NEK6: variants seen among roughly 807,000 people sequenced by gnomAD.
The protein encoded by NEK6 is serine/threonine-protein kinase Nek6.
A neutral mutation model predicts 43.5 loss-of-function variants in NEK6; 27 were observed. The ratio of observed to expected loss-of-function variants is 0.62; its 90% CI spans 0.46 to 0.86. The LOEUF is 0.86. NEK6 is among the 40% of genes least tolerant of loss of function. NEK6 has a pLI of 0.00. For missense variants in NEK6, 318 were observed against 414.4 expected (o/e 0.77, Z 2.02); for synonymous variants, 167 against 164.1 (o/e 1.02, Z -0.14).
chr9:124,288,152 A>G (rs992619087), intron 1 of NEK6, among the ~76,000 whole-genome samples: 11 of 152,250 alleles, frequency 7.2e-5, no homozygotes, highest in African/African-American at 2.4e-4. Context: ...GGTGTCCATA[A>G]GGCTGGGGTT....
At chr9:124,284,707 G>T (rs1336883270) in intron 1 of NEK6, among the ~76,000 whole-genome samples, 1 of 152,208 alleles carries the variant, frequency 6.6e-6, no homozygotes, top group Admixed American at 6.5e-5. Context: ...AGGGAAGAAT[G>T]TGTGTGTCTG....
chr9:124,283,038 AT>A, intron 1 of NEK6, among the ~76,000 whole-genome samples: 1 of 152,288 alleles, frequency 6.6e-6, no homozygotes. Context: ...GCCTTTATCT[AT>A]TTTGGCAAAG....
intron 7 of NEK6, among the ~76,000 whole-genome samples, chr9:124,334,480 G>T (rs930631902): frequency 2.0e-5 from 3 of 152,226 alleles, no homozygotes; most frequent in African/African-American, 4.8e-5. Flanking sequence ...GTGAAGAGAG[G>T]AGGGGACGGA....
intron 7 of NEK6, among the ~76,000 whole-genome samples, chr9:124,331,699 G>A (rs914883391): frequency 2.0e-5 from 3 of 152,186 alleles, no homozygotes; most frequent in East Asian, 1.9e-4. Context: ...CTGCCTTGCC[G>A]GGGATCACAC....
At chr9:124,277,427 G>C (rs1482877165) in intron 1 of NEK6, among the ~76,000 whole-genome samples, 4 of 152,226 alleles carry the variant, frequency 2.6e-5, no homozygotes, top group Non-Finnish European at 5.9e-5. Flanking sequence ...ACCTGGGCAA[G>C]AGAGTGAGGC....
intron 1 of NEK6, among the ~76,000 whole-genome samples, chr9:124,293,697 C>T (rs940870436): frequency 5.3e-5 from 8 of 152,162 alleles, no homozygotes; most frequent in Non-Finnish European, 1.2e-4. Flanking sequence ...TGGGAAGAGC[C>T]CCCTCCACCT....
At chr9:124,333,925 G>A (rs1048871543) in intron 7 of NEK6, among the ~76,000 whole-genome samples, 7 of 152,028 alleles carry the variant, frequency 4.6e-5, no homozygotes, top group Admixed American at 2.6e-4. Context: ...GTACAGGCGC[G>A]TGCCACCACA....
intron 1 of NEK6, among the ~76,000 whole-genome samples, chr9:124,267,751 C>A (rs1346873834): frequency 1.1e-4 from 16 of 152,226 alleles, no homozygotes; most frequent in Admixed American, 9.8e-4. Flanking sequence ...CGGCTGAGCA[C>A]CACATGCCTT....
rs116532767 is a variant in NEK6, at chr9:124,320,768, C to T, written c.295-691C>T. Among the ~76,000 whole-genome samples, 1,237 of 152,196 alleles carry T rather than the reference C, an allele frequency of 8.1e-3. 14 individuals carry two copies. Among genetic ancestry groups the T allele is most frequent in the African/African-American group, 0.028 (1,173 of 41,526 alleles). The stretch of plus-strand genomic sequence containing the variant: ...TCTCAGCATGAGCAAATCAGCCGGG[C>T]AGCTCTCATGCCTCCAGGGATTTTT... On this transcript the variant is annotated intron_variant, in intron 4 of 9. Transcript: ENST00000320246.
At chr9:124,274,340 A>T (rs1380496387) in intron 1 of NEK6, among the ~76,000 whole-genome samples, 1 of 152,256 alleles carries the variant, frequency 6.6e-6, no homozygotes, top group African/African-American at 2.4e-5. Context: ...GAAGGGAAGG[A>T]GGGACCCAGC....
At chr9:124,313,261 G>T (rs1250822834) in intron 3 of NEK6, among the ~76,000 whole-genome samples, 1 of 152,192 alleles carries the variant, frequency 6.6e-6, no homozygotes, top group Non-Finnish European at 1.5e-5. Context: ...GCAGAGGAGG[G>T]CCGGGAGAGA....
intron 1 of NEK6, among the ~76,000 whole-genome samples, chr9:124,299,276 C>G (rs886164125): frequency 6.6e-6 from 1 of 152,248 alleles, no homozygotes; most frequent in African/African-American, 2.4e-5. Flanking sequence ...GTTCTCCACT[C>G]TTTCCCTGGA....
At chr9:124,319,033 G>C (rs375338031) in intron 4 of NEK6, among the ~76,000 whole-genome samples, 50 of 151,986 alleles carry the variant, frequency 3.3e-4, no homozygotes, top group African/African-American at 1.0e-3. Context: ...CACCCAAACT[G>C]GAGTGCAGTG....
At chr9:124,258,250 T>G in intron 1 of NEK6, 165 bp downstream of exon 1, 1 of 982,466 alleles carries the variant, frequency 1.0e-6, no homozygotes, top group South Asian at 4.6e-5. Flanking sequence ...CGCGCGGGGC[T>G]GAGCGTGTCG....
chr9:124,302,165 A>G, intron 2 of NEK6, 111 bp downstream of exon 2: 2 of 731,408 alleles, frequency 2.7e-6, no homozygotes, highest in Non-Finnish European at 4.4e-6. Context: ...GCTCCCTGAA[A>G]CAGAACCTCT....
intron 2 of NEK6, among the ~76,000 whole-genome samples, chr9:124,305,021 G>A (rs1410429089): frequency 6.6e-6 from 1 of 152,236 alleles, no homozygotes; most frequent in African/African-American, 2.4e-5. Flanking sequence ...GAAGGGGAAA[G>A]GTATTCTTGC....
chr9:124,307,130 T>TG (rs1554850495), intron 2 of NEK6, among the ~76,000 whole-genome samples: 3 of 149,724 alleles, frequency 2.0e-5, no homozygotes, highest in Non-Finnish European at 4.5e-5. Flanking sequence ...TGCTCCTGTT[T>TG]AAAAAAAAAA....
intron 7 of NEK6, among the ~76,000 whole-genome samples, chr9:124,337,737 G>A (rs1035391799): frequency 2.6e-5 from 4 of 152,204 alleles, no homozygotes; most frequent in African/African-American, 9.7e-5. Context: ...ATGGATGGAA[G>A]CACTCATTTG....
chr9:124,291,055 A>G (rs1832393884), intron 1 of NEK6, among the ~76,000 whole-genome samples: 1 of 152,216 alleles, frequency 6.6e-6, no homozygotes, highest in Non-Finnish European at 1.5e-5. Flanking sequence ...TGCAATAACA[A>G]TCAAATAACA....
Sources: allele counts gnomAD v4.1 joint callset (sites outside exome capture counted in the v4.1 genomes callset), GRCh38; gene constraint gnomAD v4.1.1; transcripts MANE v1.5; gene names NCBI Gene and HGNC (gene_info 2026-07-23, HGNC 2026-07-21).